Variants in SPOCK1 observed in about 807,000 individuals in gnomAD.
SPOCK1 encodes the protein SPARC (osteonectin), cwcv and kazal like domains proteoglycan 1.
In SPOCK1, 23 loss-of-function variants were observed where a neutral mutation model predicts 55.3. That is an observed-to-expected ratio of 0.42 (90% CI 0.30 to 0.59). The LOEUF is 0.59. SPOCK1 is among the 20% of genes least tolerant of loss of function. The pLI, the probability that SPOCK1 is intolerant of heterozygous loss-of-function variation, is 0.22. For missense variants in SPOCK1, 499 were observed against 552.5 expected, an observed-to-expected ratio of 0.90 and a Z score of 0.97; for synonymous variants, 226 against 221.0, an observed-to-expected ratio of 1.02 and a Z score of -0.20.
At chr5:137,014,458 G>T (rs1751411964) in intron 6 of SPOCK1, among the ~76,000 whole-genome samples, 1 of 152,140 alleles carries the variant, frequency 6.6e-6, no homozygotes, top group Admixed American at 6.6e-5. Flanking sequence ...AAGACATTCA[G>T]GTTCACACAT....
chr5:137,346,208 G>A (rs910936384), intron 2 of SPOCK1, among the ~76,000 whole-genome samples: 2 of 152,138 alleles, frequency 1.3e-5, no homozygotes, highest in Non-Finnish European at 2.9e-5. Context: ...AGACCCCAAA[G>A]AATGAGAAGC....
At chr5:137,465,416 T>C (rs1235475989) in intron 2 of SPOCK1, among the ~76,000 whole-genome samples, 1 of 152,138 alleles carries the variant, frequency 6.6e-6, no homozygotes, top group Non-Finnish European at 1.5e-5. Flanking sequence ...AAATTCCTTC[T>C]CATAACAACA....
intron 2 of SPOCK1, among the ~76,000 whole-genome samples, chr5:137,339,957 C>T (rs1272815486): frequency 6.6e-6 from 1 of 152,140 alleles, no homozygotes; most frequent in Non-Finnish European, 1.5e-5. Flanking sequence ...GATGTGTGCT[C>T]CTGCACATGC....
intron 2 of SPOCK1, among the ~76,000 whole-genome samples, chr5:137,410,807 G>A (rs1322809236): frequency 1.3e-5 from 2 of 152,326 alleles, no homozygotes; most frequent in East Asian, 3.9e-4. Flanking sequence ...AAGGAGACCT[G>A]CTTTCCCTCC....
chr5:137,490,020 T>C (rs1754141376), intron 2 of SPOCK1, among the ~76,000 whole-genome samples: 2 of 152,258 alleles, frequency 1.3e-5, no homozygotes, highest in Non-Finnish European at 2.9e-5. Flanking sequence ...CCGTGATTGT[T>C]TGTCTACCAT....
chr5:137,168,163 A>G (rs1049368962), intron 3 of SPOCK1, among the ~76,000 whole-genome samples: 4 of 152,108 alleles, frequency 2.6e-5, no homozygotes, highest in Non-Finnish European at 5.9e-5. Context: ...CTGGATATCC[A>G]TATGCAGAAG....
Position 137,418,129 on chromosome 5 carries a change from T to G in SPOCK1, c.186+80244A>C, listed in dbSNP as rs192188749. Among the ~76,000 whole-genome samples the G allele has an allele frequency of 3.7e-3, 564 of 152,330 alleles. 5 individuals carry two copies. The highest frequency in any genetic ancestry group is 0.012 in the African/African-American group (517 of 41,572). ...TTCATCCATGTCCCTACAAAGGACA[T>G]GAACTCATCATTTTTTATGGCTGCA... On this transcript the variant is annotated intron_variant, in intron 2 of 10. Transcript: ENST00000394945.
intron 2 of SPOCK1, among the ~76,000 whole-genome samples, chr5:137,307,908 C>T (rs1757726376): frequency 6.6e-6 from 1 of 152,206 alleles, no homozygotes; most frequent in African/African-American, 2.4e-5. Context: ...TTTCCAGGAA[C>T]ACATCCTGCA....
chr5:137,370,678 G>T (rs1483146449), intron 2 of SPOCK1, among the ~76,000 whole-genome samples: 1 of 152,146 alleles, frequency 6.6e-6, no homozygotes, highest in African/African-American at 2.4e-5. Context: ...TTTATATCAG[G>T]CCTAAATGAA....
intron 2 of SPOCK1, among the ~76,000 whole-genome samples, chr5:137,340,584 T>A (rs775226493): frequency 4.6e-5 from 7 of 152,174 alleles, no homozygotes; most frequent in Non-Finnish European, 1.0e-4. Context: ...TCAGTTTTAC[T>A]TGTAAGAAGG....
At chr5:137,285,123 A>C (rs1172376036) in intron 2 of SPOCK1, among the ~76,000 whole-genome samples, 1 of 152,204 alleles carries the variant, frequency 6.6e-6, no homozygotes, top group East Asian at 1.9e-4. Context: ...CCCAACAGCC[A>C]AGCGGGTTGC....
intron 2 of SPOCK1, among the ~76,000 whole-genome samples, chr5:137,302,501 T>C (rs949387166): frequency 9.2e-5 from 14 of 151,502 alleles, no homozygotes; most frequent in Non-Finnish European, 4.4e-5. Flanking sequence ...GGCATGAACC[T>C]GGGAGGCAGA....
chr5:137,236,965 G>A (rs1756192963), intron 3 of SPOCK1, among the ~76,000 whole-genome samples: 1 of 152,126 alleles, frequency 6.6e-6, no homozygotes, highest in Non-Finnish European at 1.5e-5. Flanking sequence ...CTGGGGTGAG[G>A]ACCAACGCAG....
intron 2 of SPOCK1, among the ~76,000 whole-genome samples, chr5:137,352,639 A>G (rs1294775186): frequency 6.6e-6 from 1 of 152,080 alleles, no homozygotes; most frequent in Non-Finnish European, 1.5e-5. Flanking sequence ...AAAGACGAGG[A>G]AGAAGGAGGG....
intron 6 of SPOCK1, among the ~76,000 whole-genome samples, chr5:137,035,171 T>C (rs567126416): frequency 2.6e-5 from 4 of 152,324 alleles, no homozygotes; most frequent in Non-Finnish European, 4.4e-5. Context: ...CAGGTGTCTG[T>C]GCTGCTTCTT....
At chr5:137,158,099 G>A (rs1030631197) in intron 3 of SPOCK1, among the ~76,000 whole-genome samples, 17 of 152,140 alleles carry the variant, frequency 1.1e-4, no homozygotes, top group Admixed American at 9.8e-4. Flanking sequence ...AACTTTATGG[G>A]CATTTTTGTG....
chr5:137,221,773 C>T (rs1366926866), intron 3 of SPOCK1, among the ~76,000 whole-genome samples: 2 of 152,182 alleles, frequency 1.3e-5, no homozygotes, highest in Non-Finnish European at 2.9e-5. Context: ...TGTCAATCTT[C>T]TCTTCCAAGA....
intron 5 of SPOCK1, among the ~76,000 whole-genome samples, chr5:137,095,241 T>A (rs1335546633): frequency 6.6e-6 from 1 of 152,164 alleles, no homozygotes; most frequent in East Asian, 1.9e-4. Context: ...ATTGCAAGAA[T>A]TACCAAAATG....
chr5:137,435,759 A>G (rs1752851838), intron 2 of SPOCK1, among the ~76,000 whole-genome samples: 2 of 151,644 alleles, frequency 1.3e-5, no homozygotes, highest in Non-Finnish European at 2.9e-5. Context: ...TCTTATTTCT[A>G]TATTAACAAA....
Sources: gnomAD v4.1 joint callset for allele counts (sites outside exome capture counted in the v4.1 genomes callset) on GRCh38, gnomAD v4.1.1 for gene constraint, MANE v1.5 for transcripts, NCBI Gene and HGNC (gene_info 2026-07-23, HGNC 2026-07-21) for gene names.